The following RBM33 variants were observed in gnomAD, a reference collection of about 807,000 sequenced individuals.
The protein encoded by RBM33 is RNA binding motif protein 33.
RBM33 carries 28 observed loss-of-function variants against 132.6 expected under a neutral mutation model. That is an observed-to-expected ratio of 0.21 (90% CI 0.16 to 0.29). RBM33 has a LOEUF of 0.29. Among genes scored for constraint, RBM33 ranks in the 10% least tolerant of loss-of-function variants. The pLI is 1.00. For synonymous variants in RBM33, 634 were observed against 593.0 expected, an observed-to-expected ratio of 1.07 and a Z score of -1.01; for missense variants, 1,291 against 1,518.5, an observed-to-expected ratio of 0.85 and a Z score of 2.49.
chr7:155,767,383 G>A (rs781374294), intron 16 of RBM33, among the ~76,000 whole-genome samples: 55 of 152,244 alleles, frequency 3.6e-4, no homozygotes, highest in Admixed American at 5.9e-4. Flanking sequence ...TGGTGTGTCT[G>A]GGGGCAGAGC....
chr7:155,717,406 A>G (rs1022673429), intron 8 of RBM33, among the ~76,000 whole-genome samples: 2 of 151,838 alleles, frequency 1.3e-5, no homozygotes, highest in African/African-American at 4.8e-5. Context: ...GAAGGACACC[A>G]GGGTTGGGTT....
intron 8 of RBM33, among the ~76,000 whole-genome samples, chr7:155,712,483 C>T (rs1016519814): frequency 6.6e-6 from 1 of 152,110 alleles, no homozygotes; most frequent in Non-Finnish European, 1.5e-5. Flanking sequence ...TAGCAGTAAA[C>T]ATAAGTATTT....
rs1563187095 is a variant in RBM33, at chr7:155,775,000, A to G, written c.3472A>G (p.Ile1158Val). 1 of 1,613,712 alleles carries G rather than the reference A, an allele frequency of 6.2e-7. No homozygotes were observed. The highest frequency in any genetic ancestry group is 8.5e-7 in the Non-Finnish European group (1 of 1,179,758). Reference sequence around the variant, plus strand: ...TTCTTTAAATTTTCACAGGCATATGATAGATTTGTCCCACATAAATGTGGC... The same window carrying G: ...TTCTTTAAATTTTCACAGGCATATGGTAGATTTGTCCCACATAAATGTGGC... Reference protein sequence around the residue: ...AFQQKFHRHMIDLSHINVALI... With the variant: ...AFQQKFHRHMVDLSHINVALI... The change falls in exon 18 of 18, where the codon ATA becomes GTA. Residue 1158 changes from isoleucine to valine, a missense_variant. Physicochemically the swap from Ile to Val is conservative, Grantham distance 29. This residue lies in a region of RBM33 where 55 missense variants were observed against 101.4 expected (regional missense o/e 0.54). Coordinates refer to ENST00000401878, the MANE Select transcript of RBM33 (RefSeq NM_053043.3). This position sits in a 1 kb window ranked among gnomAD's most constrained non-coding sequence, Gnocchi z 4.2.
At position 155,665,231 on chromosome 7, in the gene RBM33, G is replaced by T; in HGVS notation, c.100G>T (p.Ala34Ser). ...CGCGGAACGGTCGTGGAGAAGAAGA[G>T]CTGCTGATGAGGACTGGGACAGGTA... ...PGAERSWRRR[A>S]ADEDWDSELE... The change falls in exon 2 of 18, where the codon GCT (alanine) becomes TCT (serine). Residue 34 changes from alanine (A) to serine (S), a missense_variant. Physicochemically the swap from Ala to Ser is moderately conservative, Grantham distance 99 (BLOSUM62 1). Around this residue, in one of 7 missense-constraint regions of RBM33, gnomAD observed 194 missense variants for 249.8 expected, o/e 0.78. Transcript: ENST00000401878. 1 of 1,613,878 alleles carries T rather than the reference G, an allele frequency of 6.2e-7. No homozygotes were observed. The highest frequency in any genetic ancestry group is 2.2e-5 in the East Asian group (1 of 44,884).
At chr7:155,713,019 G>T (rs1338642188) in intron 8 of RBM33, among the ~76,000 whole-genome samples, 3 of 152,210 alleles carry the variant, frequency 2.0e-5, no homozygotes, top group Admixed American at 2.0e-4. Context: ...GTAGCAGGGA[G>T]AGTGCAGAGA....
At chr7:155,738,565 C>A in intron 11 of RBM33, 162 bp downstream of exon 11, 1 of 699,226 alleles carries the variant, frequency 1.4e-6, no homozygotes, top group Non-Finnish European at 2.3e-6. Flanking sequence ...CTTTTTTCAA[C>A]AATGTTACTT....
intron 16 of RBM33, among the ~76,000 whole-genome samples, chr7:155,773,276 G>T (rs973198352): frequency 6.6e-6 from 1 of 152,146 alleles, no homozygotes. Context: ...GTTCTTAGAA[G>T]AATCGGGCAC....
intron 9 of RBM33, among the ~76,000 whole-genome samples, chr7:155,732,722 G>C (rs974895854): frequency 1.3e-5 from 2 of 152,204 alleles, no homozygotes; most frequent in East Asian, 1.9e-4. Context: ...GCAGAGAAGA[G>C]GGGGAAGGAA....
chr7:155,678,782 CT>C (rs1799254445), intron 4 of RBM33, 98 bp downstream of exon 4: 2 of 665,416 alleles, frequency 3.0e-6, no homozygotes, highest in East Asian at 5.7e-5. Context: ...ATAATGTAGC[CT>C]TATATCTTTA....
At chr7:155,689,547 TC>T (rs1399009739) in intron 5 of RBM33, among the ~76,000 whole-genome samples, 1 of 151,578 alleles carries the variant, frequency 6.6e-6, no homozygotes, top group Non-Finnish European at 1.5e-5. Context: ...CTTCTCAAGT[TC>T]TTTTAATTGT....
intron 2 of RBM33, among the ~76,000 whole-genome samples, chr7:155,668,901 T>G (rs1040284794): frequency 7.2e-5 from 11 of 152,240 alleles, no homozygotes; most frequent in African/African-American, 2.7e-4. Context: ...TGTGTCCATT[T>G]GACATGACTT....
intron 3 of RBM33, among the ~76,000 whole-genome samples, chr7:155,674,573 T>TA (rs1799124987): frequency 6.6e-6 from 1 of 152,226 alleles, no homozygotes; most frequent in South Asian, 2.1e-4. Context: ...AATTCCCTTT[T>TA]GATTTACATG....
At chr7:155,662,013 G>A (rs1397780346) in intron 1 of RBM33, among the ~76,000 whole-genome samples, 1 of 152,062 alleles carries the variant, frequency 6.6e-6, no homozygotes, top group East Asian at 1.9e-4. Flanking sequence ...CCACCCCTGG[G>A]CTAATTACTG....
intron 14 of RBM33, among the ~76,000 whole-genome samples, chr7:155,752,632 G>A (rs910908054): frequency 3.0e-4 from 45 of 152,270 alleles, no homozygotes; most frequent in African/African-American, 8.4e-4. Flanking sequence ...GGGCAGAAAC[G>A]TGCATCACAT....
intron 5 of RBM33, among the ~76,000 whole-genome samples, chr7:155,687,085 C>T (rs907976380): frequency 1.3e-5 from 2 of 152,208 alleles, no homozygotes; most frequent in African/African-American, 4.8e-5. Flanking sequence ...AACTAGTTTA[C>T]AGTCCCACCA....
At chr7:155,657,734 G>T (rs907144264) in intron 1 of RBM33, among the ~76,000 whole-genome samples, 1 of 152,120 alleles carries the variant, frequency 6.6e-6, no homozygotes. Flanking sequence ...TAATTTCTTC[G>T]CTGTGTCTTA....
chr7:155,737,518 G>A lies in RBM33; in HGVS notation c.1261-12G>A. 6.3e-7 allele frequency: 1 copy of A among 1,580,856 alleles called. No individual in the cohort carries two copies. The highest frequency in any genetic ancestry group is 8.6e-7 in the Non-Finnish European group (1 of 1,168,962). Reference sequence around the variant, plus strand: ...TTCACCCTGTTTCTCTGTTGTTGTTGTTGTTCTTTAGGGCCCTCCAGAATT... The same window carrying A: ...TTCACCCTGTTTCTCTGTTGTTGTTATTGTTCTTTAGGGCCCTCCAGAATT... On this transcript the variant is annotated splice_polypyrimidine_tract_variant and intron_variant, in intron 9 of 17. Coordinates refer to ENST00000401878, the MANE Select transcript of RBM33 (RefSeq NM_053043.3).
chr7:155,773,536 C>T (rs1168145056), intron 16 of RBM33, among the ~76,000 whole-genome samples: 1 of 139,680 alleles, frequency 7.2e-6, no homozygotes, highest in Admixed American at 7.6e-5. Flanking sequence ...CCATTGCACA[C>T]CAGCCCAGGC....
At chr7:155,743,883 C>T (rs1368421927) in intron 13 of RBM33, among the ~76,000 whole-genome samples, 3 of 152,270 alleles carry the variant, frequency 2.0e-5, no homozygotes, top group African/African-American at 7.2e-5. Flanking sequence ...TCCCTTGTGC[C>T]CACTATCCCC....
Sources: gnomAD v4.1 joint callset for allele counts (sites outside exome capture counted in the v4.1 genomes callset) on GRCh38, gnomAD v4.1.1 for gene constraint, gnomAD v4.1.1 regional missense constraint, Gnocchi (gnomAD v3.1) non-coding constraint, MANE v1.5 for transcripts, NCBI Gene and HGNC (gene_info 2026-07-23, HGNC 2026-07-21) for gene names.